Variants in FBN1 observed in about 807,000 individuals in gnomAD.
FBN1 encodes the protein fibrillin-1.
Under a neutral mutation model 365.1 loss-of-function variants are expected in FBN1, and 29 were observed. That is an observed-to-expected ratio of 0.08 (90% confidence interval 0.06 to 0.11). The LOEUF (loss-of-function observed/expected upper bound fraction) is 0.11, where lower values mean the gene tolerates loss of function less well. FBN1 is among the 10% of genes least tolerant of loss of function. The probability of loss-of-function intolerance (pLI) is 1.00; values close to 1 mark genes in which losing one functional copy is unlikely to be tolerated. For synonymous variants in FBN1, 1,210 were observed against 1,270.5 expected (o/e 0.95, Z 1.01); for missense variants, 2,476 against 3,703.2 (o/e 0.67, Z 8.60).
At chr15:48,575,512 T>C (rs1043325493) in intron 6 of FBN1, among the ~76,000 whole-genome samples, 2 of 152,256 alleles carry the variant, frequency 1.3e-5, no homozygotes, top group East Asian at 3.9e-4. Context: ...TTCTCACCTT[T>C]GGTAGTCTCC....
At position 48,595,441 on chromosome 15, in the gene FBN1, G is replaced by A. The variant is rs191805651; in HGVS notation, c.538+842C>T. Among the ~76,000 whole-genome samples the A allele has an allele frequency of 4.8e-3, 734 of 152,176 alleles. 8 individuals are homozygous for A. Among genetic ancestry groups the A allele is most frequent in the Non-Finnish European group, 6.3e-3 (427 of 67,968 alleles). ...AAACTTTCATTATAAAACTAGGGAT[G>A]ATGAGAAAAAAATCTATAAATGTAG... is the stretch of plus-strand genomic sequence containing the variant. On this transcript the variant is annotated intron_variant, in intron 6 of 65. Coordinates refer to ENST00000316623, the MANE Select transcript of FBN1 (RefSeq NM_000138.5).
At chr15:48,426,589 ACTGCTT>A (rs2042981035) in intron 58 of FBN1, among the ~76,000 whole-genome samples, 1 of 152,052 alleles carries the variant, frequency 6.6e-6, no homozygotes, top group Admixed American at 6.6e-5. Context: ...TTACCTCCTT[ACTGCTT>A]GGCGAAGTGC....
intron 15 of FBN1, among the ~76,000 whole-genome samples, chr15:48,508,009 T>TA (rs111583675): frequency 0.16 from 24,438 of 152,050 alleles, 2,933 homozygotes; most frequent in African/African-American, 0.34. Flanking sequence ...TTTACCAAAC[T>TA]AAAAAAATGG....
intron 6 of FBN1, among the ~76,000 whole-genome samples, chr15:48,558,491 CAT>C (rs1386261268): frequency 6.6e-6 from 1 of 152,100 alleles, no homozygotes; most frequent in African/African-American, 2.4e-5. Context: ...TCAAGCAAAG[CAT>C]AGTTTTTTTT....
chr15:48,496,326 C>A, intron 19 of FBN1, 101 bp from the exon 20 acceptor site: 1 of 1,485,388 alleles, frequency 6.7e-7, no homozygotes, highest in Non-Finnish European at 9.3e-7. Context: ...ACGACGTGAT[C>A]AATTCAAGCA....
At chr15:48,528,175 G>A (rs2043932069) in intron 8 of FBN1, among the ~76,000 whole-genome samples, 1 of 152,200 alleles carries the variant, frequency 6.6e-6, no homozygotes, top group Non-Finnish European at 1.5e-5. Flanking sequence ...TAATATAAAT[G>A]ACAGCTACCA....
At position 48,424,826 on chromosome 15, in the gene FBN1, C is replaced by T. The variant is rs1455789421; in HGVS notation, c.7453+543G>A. Among the ~76,000 whole-genome samples the T allele has an allele frequency of 3.3e-5, 5 of 152,166 alleles. 1 individual carries two copies. The East Asian group carries it at 9.6e-4, about 29-fold the overall frequency. On this transcript the variant is annotated intron_variant, in intron 60 of 65. Transcript: ENST00000316623. Reference sequence around the variant, plus strand: ...ATAACTTCTGGTTGAGAAGGGATTTCTGCCCAGAGCTTTTCTGGTTCTTAA... The same window carrying T: ...ATAACTTCTGGTTGAGAAGGGATTTTTGCCCAGAGCTTTTCTGGTTCTTAA...
chr15:48,552,520 C>T (rs1366408080), intron 6 of FBN1, among the ~76,000 whole-genome samples: 1 of 152,066 alleles, frequency 6.6e-6, no homozygotes, highest in Non-Finnish European at 1.5e-5. Context: ...GATCCTCCCA[C>T]CTCAGCCTCC....
At chr15:48,546,878 G>A (rs2044097687) in intron 6 of FBN1, among the ~76,000 whole-genome samples, 1 of 152,118 alleles carries the variant, frequency 6.6e-6, no homozygotes, top group Non-Finnish European at 1.5e-5. Context: ...GAAACCGGAA[G>A]GCTCCCGGGC....
At chr15:48,601,405 C>T (rs910283875) in intron 4 of FBN1, among the ~76,000 whole-genome samples, 3 of 152,180 alleles carry the variant, frequency 2.0e-5, no homozygotes, top group African/African-American at 7.2e-5. Flanking sequence ...ACATGGAGGC[C>T]AGGATTGGGC....
At chr15:48,557,634 TCATTGAG>T (rs1271188354) in intron 6 of FBN1, among the ~76,000 whole-genome samples, 2 of 152,102 alleles carry the variant, frequency 1.3e-5, no homozygotes, top group Non-Finnish European at 2.9e-5. Flanking sequence ...TGCCAAGTAT[TCATTGAG>T]AAGGCTGGGC....
In FBN1 at chr15:48,514,654, C is replaced by A. The variant is rs887127983; in HGVS notation, c.1468+733G>T. 2.0e-5 allele frequency among the ~76,000 whole-genome samples: 3 copies of A among 152,126 alleles called. 1 individual carries two copies. The highest frequency in any genetic ancestry group is 4.4e-5 in the Non-Finnish European group (3 of 68,028). On this transcript the variant is annotated intron_variant, in intron 12 of 65. Coordinates refer to ENST00000316623, the MANE Select transcript of FBN1 (RefSeq NM_000138.5). The stretch of plus-strand genomic sequence containing the variant: ...ACTTTCTTTCTTCCATTTAAAATAA[C>A]TAGTCTAAGAGAGTTGGTAAGCTAC...
rs2042859268 is a variant in FBN1, at chr15:48,411,197, G to A, written c.8409C>T (p.Phe2803=). The A allele has an allele frequency of 6.2e-7, 1 of 1,613,992 alleles. No homozygotes were observed. The highest frequency in any genetic ancestry group is 1.3e-5 in the African/African-American group (1 of 74,908). The change falls in exon 66 of 66, where the codon TTC becomes TTT. Residue 2803 remains phenylalanine, a synonymous_variant. Transcript: ENST00000316623. Reference sequence around the variant, plus strand: ...TCCCTTCCTTTTGGTTGATTTTAAAGAAGCCATCTTCATTTCCAGATTCGA... The same window carrying A: ...TCCCTTCCTTTTGGTTGATTTTAAAAAAGCCATCTTCATTTCCAGATTCGA... The part of the protein sequence containing the change: ...YLIESGNEDG[F]FKINQKEGIS...
intron 6 of FBN1, among the ~76,000 whole-genome samples, chr15:48,579,031 G>GAA (rs112980113): frequency 9.9e-5 from 13 of 131,054 alleles, no homozygotes; most frequent in African/African-American, 3.2e-4. Context: ...TAAAAAAGGG[G>GAA]AAAAAAAAAA....
intron 6 of FBN1, among the ~76,000 whole-genome samples, chr15:48,591,607 C>G (rs2044477269): frequency 6.6e-6 from 1 of 152,194 alleles, no homozygotes; most frequent in Non-Finnish European, 1.5e-5. Context: ...TTGAAACATC[C>G]AAGAATATGC....
intron 9 of FBN1, among the ~76,000 whole-genome samples, chr15:48,524,888 ATGGATACATT>A (rs1255394871): frequency 6.6e-6 from 1 of 152,222 alleles, no homozygotes; most frequent in Non-Finnish European, 1.5e-5. Context: ...AAAAGTTAGT[ATGGATACATT>A]TGATAAAAAG....
At chr15:48,634,852 A>G (rs865838957) in intron 2 of FBN1, among the ~76,000 whole-genome samples, 1 of 116,390 alleles carries the variant, frequency 8.6e-6, no homozygotes, top group African/African-American at 4.6e-5. Context: ...AAAAAAAAAA[A>G]AAAACCACAC....
At chr15:48,509,107 T>C (rs865853411) in intron 14 of FBN1, among the ~76,000 whole-genome samples, 2 of 152,206 alleles carry the variant, frequency 1.3e-5, no homozygotes, top group African/African-American at 4.8e-5. Flanking sequence ...AAACTAAGAT[T>C]AGTGGAATTT....
intron 41 of FBN1, 26 bp downstream of exon 41, chr15:48,463,873 C>T: frequency 6.3e-7 from 1 of 1,593,276 alleles, no homozygotes; most frequent in South Asian, 1.1e-5. Flanking sequence ...ACCAAACATG[C>T]ATTACTGAGA....
Sources: allele counts gnomAD v4.1 joint callset (sites outside exome capture counted in the v4.1 genomes callset), GRCh38; gene constraint gnomAD v4.1.1; transcripts MANE v1.5; gene names NCBI Gene and HGNC (gene_info 2026-07-23, HGNC 2026-07-21).